Variants in IP6K1 observed in about 807,000 individuals in gnomAD.
The protein encoded by IP6K1 is ATP:1D-myo-inositol-hexakisphosphate phosphotransferase.
A neutral mutation model predicts 38.3 loss-of-function variants in IP6K1; 13 were observed. That is an observed-to-expected ratio of 0.34 (90% confidence interval 0.22 to 0.54). The LOEUF (loss-of-function observed/expected upper bound fraction) is 0.54. IP6K1 is among the 20% of genes least tolerant of loss of function. IP6K1 has a pLI of 0.92. For synonymous variants in IP6K1, 212 were observed against 229.9 expected (o/e 0.92, Z 0.70); for missense variants, 397 against 599.8 (o/e 0.66, Z 3.53).
At chr3:49,783,895 T>C (rs1301824551) in intron 1 of IP6K1, among the ~76,000 whole-genome samples, 1 of 152,130 alleles carries the variant, frequency 6.6e-6, no homozygotes, top group South Asian at 2.1e-4. Flanking sequence ...ACAAGTGCAG[T>C]ATAAACTCAG....
chr3:49,765,605 G>A (rs530772011), intron 1 of IP6K1, among the ~76,000 whole-genome samples: 27 of 142,968 alleles, frequency 1.9e-4, no homozygotes, highest in African/African-American at 5.5e-4. Flanking sequence ...AGCTGAGATC[G>A]CCACTGCACT....
At chr3:49,753,717 G>T (rs2080798432) in intron 1 of IP6K1, among the ~76,000 whole-genome samples, 1 of 152,048 alleles carries the variant, frequency 6.6e-6, no homozygotes, top group Non-Finnish European at 1.5e-5. Flanking sequence ...AAATATTAGG[G>T]TTATAAACCA....
At chr3:49,770,668 T>G (rs1212665683) in intron 1 of IP6K1, among the ~76,000 whole-genome samples, 1 of 151,910 alleles carries the variant, frequency 6.6e-6, no homozygotes, top group African/African-American at 2.4e-5. Flanking sequence ...TTATATGATT[T>G]ACACTACCTG....
chr3:49,761,159 C>G (rs542326262), intron 1 of IP6K1, among the ~76,000 whole-genome samples: 1 of 150,768 alleles, frequency 6.6e-6, no homozygotes, highest in East Asian at 2.0e-4. Flanking sequence ...ACTAAAAATA[C>G]AAAAAATTAG....
chr3:49,777,947 T>C (rs892043989), intron 1 of IP6K1, among the ~76,000 whole-genome samples: 2 of 151,568 alleles, frequency 1.3e-5, no homozygotes, highest in Non-Finnish European at 2.9e-5. Flanking sequence ...TGATAAAGCA[T>C]AAAGGTCAAA....
intron 1 of IP6K1, among the ~76,000 whole-genome samples, chr3:49,770,701 T>C (rs1327388889): frequency 6.6e-6 from 1 of 152,142 alleles, no homozygotes; most frequent in Non-Finnish European, 1.5e-5. Flanking sequence ...GCTAGAAATG[T>C]CCAACACTTA....
In IP6K1 at chr3:49,728,295, G is replaced by C. The variant is rs370846796; in HGVS notation, c.617-17C>G. The C allele has an allele frequency of 3.2e-5, 52 of 1,608,836 alleles. No individual in the cohort carries two copies. Among genetic ancestry groups the C allele is most frequent in the Middle Eastern group, 1.6e-4 (1 of 6,070 alleles). On this transcript the variant is annotated splice_polypyrimidine_tract_variant and intron_variant, in intron 4 of 5. Transcript: ENST00000321599. ...GGAGGAACTCTGGGCCACGGTCAAG[G>C]AGAATGACAACCACACTCACCATCA...
chr3:49,743,676 A>G (rs1407881846), intron 2 of IP6K1, among the ~76,000 whole-genome samples: 2 of 149,126 alleles, frequency 1.3e-5, no homozygotes, highest in Non-Finnish European at 3.0e-5. Flanking sequence ...CTGGAATGCA[A>G]TGGCGTGGTC....
Position 49,761,613 on chromosome 3 carries a change from C to CA in IP6K1, c.-128-13446dup, listed in dbSNP as rs71080551. On this transcript the variant is annotated intron_variant, in intron 1 of 5. Coordinates refer to ENST00000321599, the MANE Select transcript of IP6K1 (RefSeq NM_153273.4). ...TGGGCAACAGCGCGAGACTCCGTCT[C>CA]AAAAAAAAAAAAAAAAAAAATTAAT... Among the ~76,000 whole-genome samples, 280 of 91,614 alleles carry CA rather than the reference C, an allele frequency of 3.1e-3. 2 individuals are homozygous for CA. The highest frequency in any genetic ancestry group is 0.022 in the South Asian group (61 of 2,718). 60.1% of individuals were successfully genotyped at this position (91,614 alleles called of 152,430 possible).
At position 49,727,298 on chromosome 3, in the gene IP6K1, CGGGGCTGGTGTTGCT is replaced by C. The variant is rs1248801508; in HGVS notation, c.1135_1149del (p.Ser379_Pro383del). ...TTGGGCTGAGAGGAGGGACCCGCCT[CGGGGCTGGTGTTGCT>C]GGGGCTGGTGCTGGGGCCACAGGAT... is the stretch of plus-strand genomic sequence containing the variant. On this transcript the variant is annotated inframe_deletion, in exon 6 of 6. Transcript: ENST00000321599. The surrounding 1 kb of genome is among the most constrained non-coding windows in gnomAD (Gnocchi z 5.9). 6.2e-7 allele frequency: 1 copy of C among 1,614,164 alleles called. No individual in the cohort carries two copies. The highest frequency in any genetic ancestry group is 8.5e-7 in the Non-Finnish European group (1 of 1,180,018).
intron 1 of IP6K1, among the ~76,000 whole-genome samples, chr3:49,780,814 T>C (rs547496913): frequency 6.6e-6 from 1 of 152,192 alleles, no homozygotes; most frequent in Non-Finnish European, 1.5e-5. Flanking sequence ...AGTTAACATA[T>C]GCAAGCACTT....
intron 2 of IP6K1, among the ~76,000 whole-genome samples, chr3:49,741,733 G>C (rs946165431): frequency 2.6e-5 from 4 of 152,142 alleles, no homozygotes; most frequent in African/African-American, 9.7e-5. Flanking sequence ...GCCAAAGCCA[G>C]AAATAAAACT....
At chr3:49,738,484 A>C in intron 2 of IP6K1, 62 bp from the exon 3 acceptor site, 1 of 1,283,166 alleles carries the variant, frequency 7.8e-7, no homozygotes, top group Non-Finnish European at 1.1e-6. Context: ...TGCAGCACAG[A>C]CTGTTGGCAC....
intron 1 of IP6K1, among the ~76,000 whole-genome samples, chr3:49,762,591 A>G (rs1167780940): frequency 1.3e-5 from 2 of 152,006 alleles, no homozygotes; most frequent in Admixed American, 6.6e-5. Context: ...GAACACTCCT[A>G]TATCTATTAA....
intron 3 of IP6K1, among the ~76,000 whole-genome samples, chr3:49,735,627 GA>G (rs1325018778): frequency 6.6e-6 from 1 of 152,174 alleles, no homozygotes; most frequent in Non-Finnish European, 1.5e-5. Flanking sequence ...CTCCTTGCAT[GA>G]AAGATGCAGA....
intron 1 of IP6K1, among the ~76,000 whole-genome samples, chr3:49,752,488 C>CAA (rs56885374): frequency 0.015 from 2,096 of 141,670 alleles, 23 homozygotes; most frequent in Non-Finnish European, 0.021. Flanking sequence ...GACTCCATCT[C>CAA]AAAAAAAAAA....
chr3:49,738,145 T>C (rs546901071), intron 3 of IP6K1, 67 bp downstream of exon 3: 122 of 1,292,604 alleles, frequency 9.4e-5, no homozygotes, highest in South Asian at 3.5e-4. Flanking sequence ...TGCTTCCCCA[T>C]GATGTGTCAG....
chr3:49,731,887 C>CAAAAAAAAAAAAAAAAA lies in IP6K1; in HGVS notation c.616+887_616+903dup, dbSNP rs71080545. On this transcript the variant is annotated intron_variant, in intron 4 of 5. Coordinates refer to ENST00000321599, the MANE Select transcript of IP6K1 (RefSeq NM_153273.4). ...TGGGTAACAGAGTGAGACTCTGTCT[C>CAAAAAAAAAAAAAAAAA]AAAAAAAAAAAAAAAAAAGGAATTC... 1.0e-3 allele frequency among the ~76,000 whole-genome samples: 68 copies of CAAAAAAAAAAAAAAAAA among 65,320 alleles called. 10 individuals carry two copies. Among genetic ancestry groups the CAAAAAAAAAAAAAAAAA allele is most frequent in the African/African-American group, 1.2e-3 (24 of 19,744 alleles). 42.9% of individuals were successfully genotyped at this position (65,320 alleles called of 152,430 possible). A position where few individuals can be genotyped will look rare whatever the true frequency, so the allele number is the denominator to read the frequency against.
intron 2 of IP6K1, among the ~76,000 whole-genome samples, chr3:49,746,513 T>C (rs13090611): frequency 0.22 from 30,916 of 139,822 alleles, 1,534 homozygotes; most frequent in Non-Finnish European, 0.27. Context: ...CTACTAAAAA[T>C]ACAAAAAATA....
Sources: allele counts gnomAD v4.1 joint callset (sites outside exome capture counted in the v4.1 genomes callset), GRCh38; gene constraint gnomAD v4.1.1; non-coding constraint Gnocchi (gnomAD v3.1); transcripts MANE v1.5; gene names NCBI Gene and HGNC (gene_info 2026-07-23, HGNC 2026-07-21).